MECOM: variants seen among roughly 807,000 people sequenced by gnomAD.
MECOM encodes the protein histone-lysine N-methyltransferase MECOM.
A neutral mutation model predicts 116.3 loss-of-function variants in MECOM; 13 were observed. The observed-to-expected ratio is 0.11, with a 90% confidence interval of 0.07 to 0.18. MECOM has a LOEUF of 0.18. MECOM is among the 10% of genes least tolerant of loss of function. The pLI, the probability that MECOM is intolerant of heterozygous loss-of-function variation, is 1.00. For synonymous variants in MECOM, 528 were observed against 535.2 expected (o/e 0.99, Z 0.19); for missense variants, 1,299 against 1,509.0 (o/e 0.86, Z 2.31).
intron 1 of MECOM, among the ~76,000 whole-genome samples, chr3:169,532,689 C>T (rs185035982): frequency 1.3e-5 from 2 of 152,286 alleles, no homozygotes; most frequent in South Asian, 2.1e-4. Flanking sequence ...GCTGCTTAAT[C>T]GAACACCAAG....
chr3:169,639,931 C>T (rs1349334151), intron 1 of MECOM, among the ~76,000 whole-genome samples: 1 of 152,068 alleles, frequency 6.6e-6, no homozygotes, highest in African/African-American at 2.4e-5. Flanking sequence ...GCTATGTGTC[C>T]CATTCTGGGC....
At chr3:169,272,092 C>G (rs981039753) in intron 2 of MECOM, among the ~76,000 whole-genome samples, 14 of 152,202 alleles carry the variant, frequency 9.2e-5, no homozygotes, top group African/African-American at 1.7e-4. Flanking sequence ...TCGAATACCC[C>G]ACTCATGACA....
At chr3:169,378,503 AAGAAAG>A (rs1181293937) in intron 2 of MECOM, among the ~76,000 whole-genome samples, 1 of 33,134 alleles carries the variant, frequency 3.0e-5, no homozygotes, top group South Asian at 9.7e-4. Flanking sequence ...GAAAGAAAGA[AAGAAAG>A]AAAGAAAAGA....
chr3:169,347,119 G>T (rs1194218237), intron 2 of MECOM, among the ~76,000 whole-genome samples: 3 of 151,820 alleles, frequency 2.0e-5, no homozygotes, highest in Admixed American at 2.0e-4. Flanking sequence ...CTGCAGAATG[G>T]TATACTCAGT....
intron 1 of MECOM, among the ~76,000 whole-genome samples, chr3:169,513,967 G>T: frequency 6.6e-6 from 1 of 152,084 alleles, no homozygotes; most frequent in East Asian, 1.9e-4. Flanking sequence ...TCTCCCATCA[G>T]AATTGGATTA....
chr3:169,146,162 T>C, intron 2 of MECOM: 1 of 1,005,516 alleles, frequency 9.9e-7, no homozygotes, highest in Non-Finnish European at 1.2e-6. Flanking sequence ...ACCGTTTAGG[T>C]AGACTTTAGA....
chr3:169,562,139 CAAAAAAAAAAA>C (rs10714325), intron 1 of MECOM, among the ~76,000 whole-genome samples: 1 of 25,282 alleles, frequency 4.0e-5, no homozygotes, highest in African/African-American at 1.4e-4. Context: ...GAGCAATACT[CAAAAAAAAAAA>C]AAAAAAAAAA....
chr3:169,659,088 A>AAGAAAAGAAAAG (rs1236800515), intron 1 of MECOM, among the ~76,000 whole-genome samples: 6,189 of 151,024 alleles, frequency 0.041, 380 homozygotes, highest in African/African-American at 0.12. Context: ...AAAAAAAAAA[A>AAGAAAAGAAAAG]AAAGAAAGAG....
At chr3:169,614,182 G>T (rs1328532062) in intron 1 of MECOM, among the ~76,000 whole-genome samples, 1 of 146,990 alleles carries the variant, frequency 6.8e-6, no homozygotes, top group African/African-American at 2.5e-5. Context: ...CTAAAGCATG[G>T]GAATTTCTGA....
In MECOM at chr3:169,112,812, G is replaced by A; in HGVS notation, c.2552C>T (p.Ser851Phe). 6.2e-7 allele frequency: 1 copy of A among 1,613,068 alleles called. No individual in the cohort carries two copies. Among genetic ancestry groups the A allele is most frequent in the Non-Finnish European group, 8.5e-7 (1 of 1,179,356 alleles). Residue 851 changes from serine (S) to phenylalanine (F), a missense_variant, in exon 9 of 17, where the codon TCT (serine) becomes TTT (phenylalanine). Around this residue, in one of 6 missense-constraint regions of MECOM, gnomAD observed 340 missense variants for 312.6 expected, o/e 1.09. Coordinates refer to ENST00000651503, the MANE Select transcript of MECOM (RefSeq NM_004991.4). ...TTGTGGGTGAAACAAGAATCCTGGA[G>A]AAGGCCTCAAGTATTTCTCTTTTAA... ...EALKEKYLRP[S>F]PGFLFHPQFQ...
intron 1 of MECOM, among the ~76,000 whole-genome samples, chr3:169,612,087 T>G (rs947063701): frequency 1.1e-4 from 17 of 152,142 alleles, no homozygotes; most frequent in African/African-American, 4.1e-4. Context: ...TCTCCAGATA[T>G]TACTAAATGT....
intron 1 of MECOM, among the ~76,000 whole-genome samples, chr3:169,410,988 G>A (rs1017692604): frequency 6.6e-6 from 1 of 152,030 alleles, no homozygotes; most frequent in African/African-American, 2.4e-5. Flanking sequence ...TGTAAGCATA[G>A]CTCCTGCCCA....
chr3:169,338,112 C>A (rs1723875683), intron 2 of MECOM, among the ~76,000 whole-genome samples: 1 of 152,128 alleles, frequency 6.6e-6, no homozygotes, highest in Non-Finnish European at 1.5e-5. Flanking sequence ...CTACACTGAA[C>A]TACTTGATCA....
intron 2 of MECOM, among the ~76,000 whole-genome samples, chr3:169,291,671 T>C (rs1360232915): frequency 6.6e-6 from 1 of 152,210 alleles, no homozygotes; most frequent in Non-Finnish European, 1.5e-5. Context: ...TAGCATCTAT[T>C]ATTGAAAGTG....
At chr3:169,631,135 C>G (rs775651069) in intron 1 of MECOM, among the ~76,000 whole-genome samples, 22 of 152,242 alleles carry the variant, frequency 1.4e-4, no homozygotes, top group Non-Finnish European at 3.2e-4. Context: ...GGCTTCAAAG[C>G]CCAGCCTTGC....
chr3:169,389,027 A>G (rs1172966326), intron 1 of MECOM, among the ~76,000 whole-genome samples: 1 of 152,158 alleles, frequency 6.6e-6, no homozygotes, highest in Non-Finnish European at 1.5e-5. Context: ...CAATGAGCAA[A>G]CTTTTATTTT....
chr3:169,380,618 T>C (rs193089632), intron 2 of MECOM, among the ~76,000 whole-genome samples: 56 of 152,300 alleles, frequency 3.7e-4, no homozygotes, highest in African/African-American at 1.3e-3. Context: ...TTAAATCATT[T>C]GAATATAAAG....
intron 2 of MECOM, among the ~76,000 whole-genome samples, chr3:169,208,895 C>CAA (rs11377362): frequency 0.11 from 15,089 of 133,978 alleles, 861 homozygotes; most frequent in Non-Finnish European, 0.13. Context: ...CAATCGTAAG[C>CAA]AAAAAAAAAA....
At chr3:169,236,843 C>A (rs1053631865) in intron 2 of MECOM, among the ~76,000 whole-genome samples, 1 of 152,194 alleles carries the variant, frequency 6.6e-6, no homozygotes, top group East Asian at 1.9e-4. Context: ...GACACTTCAA[C>A]GTGCTCAGAC....
Sources: gnomAD v4.1 joint callset for allele counts (sites outside exome capture counted in the v4.1 genomes callset) on GRCh38, gnomAD v4.1.1 for gene constraint, gnomAD v4.1.1 regional missense constraint, MANE v1.5 for transcripts, NCBI Gene and HGNC (gene_info 2026-07-23, HGNC 2026-07-21) for gene names.